The following CTNNA3 variants were observed in gnomAD, a reference collection of about 807,000 sequenced individuals.
CTNNA3 encodes catenin alpha 3, also known as catenin alpha-3.
In CTNNA3, 76 loss-of-function variants were observed where a neutral mutation model predicts 95.7. That is an observed-to-expected ratio of 0.79 (90% CI 0.66 to 0.96). The LOEUF is 0.96. CTNNA3 is among the 40% of genes least tolerant of loss of function. The pLI, the probability that CTNNA3 is intolerant of heterozygous loss-of-function variation, is 0.00. For missense variants in CTNNA3, 1,191 were observed against 1,089.8 expected, an observed-to-expected ratio of 1.09 and a Z score of -1.31; for synonymous variants, 431 against 374.4, an observed-to-expected ratio of 1.15 and a Z score of -1.74.
At chr10:67,643,154 A>T (rs73270146) in intron 2 of CTNNA3, among the ~76,000 whole-genome samples, 1 of 152,160 alleles carries the variant, frequency 6.6e-6, no homozygotes, top group African/African-American at 2.4e-5. Flanking sequence ...AAAAAGAACA[A>T]GTTCACGTCC....
intron 6 of CTNNA3, among the ~76,000 whole-genome samples, chr10:67,210,299 T>G (rs1864087991): frequency 6.6e-6 from 1 of 151,956 alleles, no homozygotes; most frequent in South Asian, 2.1e-4. Context: ...AGACTGAGAC[T>G]CCATCTCAAA....
intron 12 of CTNNA3, among the ~76,000 whole-genome samples, chr10:66,285,868 A>T (rs2091578726): frequency 7.0e-6 from 1 of 142,342 alleles, no homozygotes; most frequent in Non-Finnish European, 1.5e-5. Flanking sequence ...ATGCAAATAG[A>T]ATCATACTGC....
rs554371901 is a variant in CTNNA3, at chr10:66,771,837, C to T, written c.1128+3607G>A. 2.0e-3 allele frequency among the ~76,000 whole-genome samples: 311 copies of T among 152,114 alleles called. 2 individuals carry two copies. Among genetic ancestry groups the T allele is most frequent in the African/African-American group, 7.1e-3 (295 of 41,496 alleles). On this transcript the variant is annotated intron_variant, in intron 8 of 17. Coordinates refer to ENST00000433211, the MANE Select transcript of CTNNA3 (RefSeq NM_013266.4). ...CTTAAAATGCAGTGGGAAGAAAACT[C>T]ATTACAAAAGAAAAAAATAGAAGAA...
At chr10:66,397,831 G>C (rs1191686501) in intron 11 of CTNNA3, among the ~76,000 whole-genome samples, 1 of 151,796 alleles carries the variant, frequency 6.6e-6, no homozygotes, top group Non-Finnish European at 1.5e-5. Flanking sequence ...GGATCAGACT[G>C]ATCACAATGT....
At chr10:66,761,144 T>C (rs73307030) in intron 9 of CTNNA3, among the ~76,000 whole-genome samples, 2,516 of 152,286 alleles carry the variant, frequency 0.017, 76 homozygotes, top group African/African-American at 0.057. Context: ...GCAGAGCTCA[T>C]AGCAATCAGC....
At chr10:66,243,240 G>A (rs758723928) in intron 13 of CTNNA3, among the ~76,000 whole-genome samples, 1 of 152,132 alleles carries the variant, frequency 6.6e-6, no homozygotes, top group Non-Finnish European at 1.5e-5. Flanking sequence ...ATATTTCTTC[G>A]ATATATCTTT....
intron 9 of CTNNA3, among the ~76,000 whole-genome samples, chr10:66,693,641 A>G (rs907849970): frequency 6.6e-6 from 1 of 152,048 alleles, no homozygotes; most frequent in Non-Finnish European, 1.5e-5. Flanking sequence ...TCTTCACCCC[A>G]AATCAACAGA....
intron 7 of CTNNA3, among the ~76,000 whole-genome samples, chr10:67,011,792 G>A (rs1852357142): frequency 6.6e-6 from 1 of 152,078 alleles, no homozygotes. Flanking sequence ...CATACATACA[G>A]AAGAGAAAAT....
intron 13 of CTNNA3, among the ~76,000 whole-genome samples, chr10:66,135,357 A>G (rs1201019677): frequency 6.6e-6 from 1 of 152,172 alleles, no homozygotes; most frequent in African/African-American, 2.4e-5. Flanking sequence ...TCATGACTAA[A>G]AACACAGAGA....
intron 13 of CTNNA3, among the ~76,000 whole-genome samples, chr10:66,184,842 T>A (rs2086246036): frequency 6.6e-6 from 1 of 152,244 alleles, no homozygotes; most frequent in African/African-American, 2.4e-5. Flanking sequence ...CCTAACTACA[T>A]AAGTATTATT....
intron 17 of CTNNA3, among the ~76,000 whole-genome samples, chr10:65,937,735 G>A (rs1023547166): frequency 1.3e-5 from 2 of 152,050 alleles, no homozygotes; most frequent in African/African-American, 4.8e-5. Flanking sequence ...AAAAGATGTA[G>A]GATAAGAAAA....
At chr10:66,450,841 T>C (rs1188727245) in intron 11 of CTNNA3, among the ~76,000 whole-genome samples, 1 of 152,144 alleles carries the variant, frequency 6.6e-6, no homozygotes, top group Non-Finnish European at 1.5e-5. Context: ...ATTAACCCAA[T>C]TACTTTAACC....
Position 67,632,307 on chromosome 10 carries a change from T to G in CTNNA3, c.99+15108A>C, listed in dbSNP as rs117043236. On this transcript the variant is annotated intron_variant, in intron 2 of 17. Coordinates refer to ENST00000433211, the MANE Select transcript of CTNNA3 (RefSeq NM_013266.4). Reference sequence around the variant, plus strand: ...TTTGCCTCATTACCTGTCCATTAAATATATTAAAAAAAAAAAACACTCCTT... The same window carrying G: ...TTTGCCTCATTACCTGTCCATTAAAGATATTAAAAAAAAAAAACACTCCTT... 2.4e-3 allele frequency among the ~76,000 whole-genome samples: 313 copies of G among 129,874 alleles called. 2 individuals are homozygous for G. In the East Asian group the frequency reaches 0.035, roughly 14 times the overall value. The allele number at this position is 129,874 out of a possible 152,430, so 85.2% of individuals were successfully genotyped here. A position where few individuals can be genotyped will look rare whatever the true frequency, so the allele number is the denominator to read the frequency against.
intron 13 of CTNNA3, among the ~76,000 whole-genome samples, chr10:66,190,611 C>A (rs1425158375): frequency 6.6e-6 from 1 of 152,102 alleles, no homozygotes; most frequent in Non-Finnish European, 1.5e-5. Context: ...ATATGCAAGT[C>A]AGCAAAATGT....
chr10:66,263,997 T>A (rs1224619365), intron 13 of CTNNA3, among the ~76,000 whole-genome samples: 3 of 151,954 alleles, frequency 2.0e-5, no homozygotes, highest in Non-Finnish European at 2.9e-5. Flanking sequence ...CTCTTCAACA[T>A]GAATTCTAAA....
chr10:66,176,495 T>C (rs2085721141), intron 13 of CTNNA3, among the ~76,000 whole-genome samples: 1 of 152,128 alleles, frequency 6.6e-6, no homozygotes, highest in Non-Finnish European at 1.5e-5. Flanking sequence ...AACTTACTAT[T>C]CTTTAAAAGT....
intron 7 of CTNNA3, among the ~76,000 whole-genome samples, chr10:66,825,278 TA>T (rs1385027925): frequency 4.9e-4 from 66 of 134,818 alleles, no homozygotes; most frequent in Non-Finnish European, 8.4e-4. Flanking sequence ...TACATATATA[TA>T]TATATTTTTT....
chr10:67,241,042 T>C (rs1409583272), intron 5 of CTNNA3, among the ~76,000 whole-genome samples: 1 of 152,230 alleles, frequency 6.6e-6, no homozygotes, highest in East Asian at 1.9e-4. Flanking sequence ...TGGGCTATTT[T>C]AGCAAAATTC....
chr10:67,337,837 T>A (rs769336144), intron 5 of CTNNA3, among the ~76,000 whole-genome samples: 2 of 152,182 alleles, frequency 1.3e-5, no homozygotes, highest in Non-Finnish European at 2.9e-5. Flanking sequence ...AATTAACATA[T>A]GCACAGTGTT....
Sources: gnomAD v4.1 joint callset for allele counts (sites outside exome capture counted in the v4.1 genomes callset) on GRCh38, gnomAD v4.1.1 for gene constraint, MANE v1.5 for transcripts, NCBI Gene and HGNC (gene_info 2026-07-23, HGNC 2026-07-21) for gene names.